CNTFR: variants seen among roughly 807,000 people sequenced by gnomAD.
CNTFR encodes the protein ciliary neurotrophic factor receptor.
CNTFR carries 12 observed loss-of-function variants against 40.4 expected under a neutral mutation model. That is an observed-to-expected ratio of 0.30 (90% CI 0.19 to 0.48). CNTFR has a LOEUF of 0.48. Among genes scored for constraint, CNTFR ranks in the 20% least tolerant of loss-of-function variants. The pLI, the probability that CNTFR is intolerant of heterozygous loss-of-function variation, is 0.99. For synonymous variants in CNTFR, 202 were observed against 209.6 expected (o/e 0.96, Z 0.31); for missense variants, 414 against 506.8 (o/e 0.82, Z 1.76).
chr9:34,577,084 C>A (rs189952934), intron 2 of CNTFR, among the ~76,000 whole-genome samples: 5 of 152,322 alleles, frequency 3.3e-5, no homozygotes, highest in Admixed American at 3.3e-4. Context: ...CTCTAACTAA[C>A]CACTGAGGAG....
chr9:34,556,206 CAT>C, intron 7 of CNTFR, 47 bp downstream of exon 7: 1 of 1,579,734 alleles, frequency 6.3e-7, no homozygotes, highest in South Asian at 1.1e-5. Flanking sequence ...ACTCACTGCA[CAT>C]GATTCTAACT....
chr9:34,554,143 G>T (rs944521144), intron 7 of CNTFR, among the ~76,000 whole-genome samples: 2 of 152,184 alleles, frequency 1.3e-5, no homozygotes, highest in African/African-American at 2.4e-5. Flanking sequence ...AGCCCTGGAA[G>T]ATCGGAGGGT....
At chr9:34,581,943 T>G (rs1171728072) in intron 1 of CNTFR, among the ~76,000 whole-genome samples, 1 of 152,236 alleles carries the variant, frequency 6.6e-6, no homozygotes, top group Non-Finnish European at 1.5e-5. Flanking sequence ...GACACTGTGA[T>G]AAGTACTTAA....
chr9:34,557,105 G>A lies in CNTFR; in HGVS notation c.604+421C>T, dbSNP rs946754714. Among the ~76,000 whole-genome samples the A allele has an allele frequency of 1.8e-4, 28 of 151,416 alleles. No homozygotes were observed. Among genetic ancestry groups the A allele is most frequent in the Admixed American group, 1.6e-3 (24 of 15,178 alleles). The stretch of plus-strand genomic sequence containing the variant: ...GTAGAGGGTCTGGCTGGGATGGGGG[G>A]GGTCAGGGGGAGGGCAGTATCTGTC... On this transcript the variant is annotated intron_variant, in intron 6 of 9. Transcript: ENST00000378980. The surrounding 1 kb of genome is among the most constrained non-coding windows in gnomAD (Gnocchi z 4.2).
chr9:34,573,549 G>T (rs1389571305), intron 2 of CNTFR, among the ~76,000 whole-genome samples: 1 of 152,164 alleles, frequency 6.6e-6, no homozygotes, highest in Non-Finnish European at 1.5e-5. Flanking sequence ...TCACCGGATG[G>T]ACTCCCCCCA....
intron 2 of CNTFR, among the ~76,000 whole-genome samples, chr9:34,578,222 C>T (rs1415947478): frequency 2.0e-5 from 3 of 152,138 alleles, no homozygotes; most frequent in Non-Finnish European, 4.4e-5. Flanking sequence ...GAGTGAGCGA[C>T]CGGGCAAGCG....
At chr9:34,575,340 A>G (rs1465760915) in intron 2 of CNTFR, among the ~76,000 whole-genome samples, 1 of 152,194 alleles carries the variant, frequency 6.6e-6, no homozygotes, top group Non-Finnish European at 1.5e-5. Flanking sequence ...TTGTAGGGAC[A>G]GAACGCTGTA....
At chr9:34,586,945 G>A (rs1199157458) in intron 1 of CNTFR, among the ~76,000 whole-genome samples, 1 of 152,228 alleles carries the variant, frequency 6.6e-6, no homozygotes, top group Non-Finnish European at 1.5e-5. Context: ...ATCTGACCAT[G>A]AGTCCTAAGT....
At chr9:34,569,887 C>G (rs1425800741) in intron 2 of CNTFR, 1 of 152,210 alleles carries the variant, frequency 6.6e-6, no homozygotes, top group Non-Finnish European at 1.5e-5. Context: ...GGACATGGCC[C>G]CAGAAGCCAG....
intron 1 of CNTFR, among the ~76,000 whole-genome samples, chr9:34,584,893 A>G (rs1827476288): frequency 6.6e-6 from 1 of 152,140 alleles, no homozygotes; most frequent in South Asian, 2.1e-4. Flanking sequence ...TGAGTGAAGG[A>G]AAGTCCTTCC....
In CNTFR at chr9:34,551,972, C is replaced by A; in HGVS notation, c.*99G>T. 1 of 772,088 alleles carries A rather than the reference C, an allele frequency of 1.3e-6. No individual in the cohort carries two copies. Among genetic ancestry groups the A allele is most frequent in the Non-Finnish European group, 2.3e-6 (1 of 436,568 alleles). The allele number at this position is 772,088 out of a possible 1,614,324, so 47.8% of individuals were successfully genotyped here. On this transcript the variant is annotated 3_prime_UTR_variant, in exon 10 of 10. Transcript: ENST00000378980. Reference sequence around the variant, plus strand: ...GTGTCTGAAGAGAATGCAAAAGGTCCTCCTGCCCGTGTGCAAAATAGAAAC... The same window carrying A: ...GTGTCTGAAGAGAATGCAAAAGGTCATCCTGCCCGTGTGCAAAATAGAAAC...
At chr9:34,577,607 C>T (rs1489745875) in intron 2 of CNTFR, among the ~76,000 whole-genome samples, 1 of 152,148 alleles carries the variant, frequency 6.6e-6, no homozygotes, top group East Asian at 1.9e-4. Flanking sequence ...CTCATCCCCT[C>T]TGTCTAGATG....
chr9:34,586,052 C>T (rs757921319), intron 1 of CNTFR, among the ~76,000 whole-genome samples: 5 of 152,162 alleles, frequency 3.3e-5, no homozygotes, highest in East Asian at 1.9e-4. Context: ...TGGGAGGGAC[C>T]GCAGGGCCAT....
chr9:34,588,874 G>T (rs771578712), intron 1 of CNTFR, among the ~76,000 whole-genome samples: 30 of 152,094 alleles, frequency 2.0e-4, no homozygotes, highest in Admixed American at 1.8e-3. Flanking sequence ...GGCTCACACT[G>T]AGCCGCACTG....
intron 7 of CNTFR, among the ~76,000 whole-genome samples, chr9:34,555,184 T>C (rs1041627604): frequency 6.6e-6 from 1 of 152,222 alleles, no homozygotes; most frequent in Non-Finnish European, 1.5e-5. Flanking sequence ...TTATTAGCAA[T>C]GCATTAGGCG....
chr9:34,580,174 C>G (rs1379391530), intron 2 of CNTFR: 3 of 152,290 alleles, frequency 2.0e-5, no homozygotes, highest in Non-Finnish European at 4.4e-5. Context: ...AGCACACTTT[C>G]CAAATAAGCC....
intron 4 of CNTFR, among the ~76,000 whole-genome samples, chr9:34,558,355 G>A (rs1825934472): frequency 6.6e-6 from 1 of 152,192 alleles, no homozygotes; most frequent in African/African-American, 2.4e-5. Context: ...GAGGAAGACT[G>A]TGCTGCAGAG....
intron 2 of CNTFR, among the ~76,000 whole-genome samples, chr9:34,571,691 C>A (rs1480066251): frequency 6.6e-6 from 1 of 152,070 alleles, no homozygotes; most frequent in Admixed American, 6.5e-5. Flanking sequence ...GGGGCTGCAG[C>A]CACGGGAGAC....
Position 34,556,331 on chromosome 9 carries a change from G to T in CNTFR, c.692C>A (p.Thr231Asn). Reference protein sequence around the residue: ...RLEVTWQTPSTWPDPESFPLK... With the variant: ...RLEVTWQTPSNWPDPESFPLK... ...AGGAAAAGACTCAGGGTCAGGCCAG[G>T]TCGAGGGGGTCTGCCACGTCACCTC... Residue 231 changes from threonine (T) to asparagine (N), a missense_variant, in exon 7 of 10, where the codon ACC becomes AAC. This residue lies in a region of CNTFR where 83 missense variants were observed against 145.0 expected (regional missense o/e 0.57). Coordinates refer to ENST00000378980, the MANE Select transcript of CNTFR (RefSeq NM_147164.3). 1 of 1,613,970 alleles carries T rather than the reference G, an allele frequency of 6.2e-7. No individual in the cohort carries two copies. Among genetic ancestry groups the T allele is most frequent in the Non-Finnish European group, 8.5e-7 (1 of 1,180,002 alleles).
Sources: allele counts gnomAD v4.1 joint callset (sites outside exome capture counted in the v4.1 genomes callset), GRCh38; gene constraint gnomAD v4.1.1; regional missense constraint gnomAD v4.1.1; non-coding constraint Gnocchi (gnomAD v3.1); transcripts MANE v1.5; gene names NCBI Gene and HGNC (gene_info 2026-07-23, HGNC 2026-07-21).